The following LTBP1 variants were observed in gnomAD, a reference collection of about 807,000 sequenced individuals.
LTBP1 encodes the protein latent transforming growth factor beta binding protein 1.
A neutral mutation model predicts 207.6 loss-of-function variants in LTBP1; 129 were observed. The observed-to-expected ratio is 0.62, with a 90% CI of 0.54 to 0.72. The LOEUF (loss-of-function observed/expected upper bound fraction) is 0.72. Among genes scored for constraint, LTBP1 ranks in the 30% least tolerant of loss-of-function variants. The probability of loss-of-function intolerance (pLI) is 0.00; values close to 1 mark genes in which losing one functional copy is unlikely to be tolerated. For missense variants in LTBP1, 2,281 were observed against 2,217.2 expected (o/e 1.03, Z -0.58); for synonymous variants, 963 against 833.7 (o/e 1.16, Z -2.67).
At chr2:33,078,947 C>T (rs1467857970) in intron 3 of LTBP1, among the ~76,000 whole-genome samples, 2 of 149,154 alleles carry the variant, frequency 1.3e-5, no homozygotes, top group African/African-American at 2.4e-5. Context: ...CAAGCTCCGC[C>T]TCCCTGCTTC....
intron 3 of LTBP1, among the ~76,000 whole-genome samples, chr2:33,096,535 A>G (rs1280992372): frequency 1.3e-5 from 2 of 152,212 alleles, no homozygotes; most frequent in Non-Finnish European, 2.9e-5. Context: ...CTGCCAACCT[A>G]TTATCCTGAC....
intron 23 of LTBP1, among the ~76,000 whole-genome samples, chr2:33,312,915 G>C (rs889861202): frequency 2.0e-5 from 3 of 152,194 alleles, no homozygotes; most frequent in Admixed American, 1.3e-4. Flanking sequence ...TCCTGAGCTT[G>C]ATCCCCAAGC....
chr2:33,122,626 G>T (rs1294090905), intron 4 of LTBP1, among the ~76,000 whole-genome samples: 1 of 152,190 alleles, frequency 6.6e-6, no homozygotes, highest in Non-Finnish European at 1.5e-5. Context: ...ATACCAAAAA[G>T]AAACAGAAGT....
intron 31 of LTBP1, among the ~76,000 whole-genome samples, chr2:33,368,050 A>G (rs2095016921): frequency 2.0e-5 from 3 of 152,040 alleles, no homozygotes; most frequent in African/African-American, 7.2e-5. Context: ...CCCTGTCTCT[A>G]CTAAAAAATA....
intron 3 of LTBP1, among the ~76,000 whole-genome samples, chr2:33,073,612 A>G (rs1037083978): frequency 6.6e-6 from 1 of 151,616 alleles, no homozygotes; most frequent in African/African-American, 2.4e-5. Context: ...TTGCTCTGAA[A>G]CATCAGTTTT....
intron 24 of LTBP1, among the ~76,000 whole-genome samples, chr2:33,323,115 C>T (rs1380769634): frequency 6.6e-6 from 1 of 152,060 alleles, no homozygotes. Flanking sequence ...CCTAACCTAC[C>T]GAACATTATA....
In LTBP1 at chr2:33,134,944, C is replaced by A. The variant is rs764530183; in HGVS notation, c.1185C>A (p.Ala395=). ...ENGHAADTLT[A]TNFRVVICHL... is the part of the protein sequence containing the mutation. ...GTCATGCTGCCGACACCCTGACGGCCACGAACTTCCGAGTGGGTGAGTTCC... is the reference window on the plus strand; with the variant it reads ...GTCATGCTGCCGACACCCTGACGGCAACGAACTTCCGAGTGGGTGAGTTCC... Residue 395 remains alanine (A), a synonymous_variant, in exon 5 of 34, where the codon GCC becomes GCA. Coordinates refer to ENST00000404816, the MANE Select transcript of LTBP1 (RefSeq NM_206943.4). This position sits in a 1 kb window ranked among gnomAD's most constrained non-coding sequence, Gnocchi z 4.4. The A allele has an allele frequency of 6.2e-7, 1 of 1,611,884 alleles. No individual in the cohort carries two copies. The highest frequency in any genetic ancestry group is 1.7e-5 in the Admixed American group (1 of 59,878).
At chr2:32,973,847 T>C (rs966682797) in intron 2 of LTBP1, among the ~76,000 whole-genome samples, 1 of 152,224 alleles carries the variant, frequency 6.6e-6, no homozygotes, top group Non-Finnish European at 1.5e-5. Context: ...ACATGTGATA[T>C]TTGTCTTTTT....
chr2:33,270,462 T>C (rs933782128), intron 15 of LTBP1, among the ~76,000 whole-genome samples: 3 of 151,132 alleles, frequency 2.0e-5, no homozygotes, highest in Admixed American at 6.6e-5. Context: ...TGGTGGCGGG[T>C]GCCTGTAGTC....
chr2:33,015,746 A>G (rs1688284478), intron 2 of LTBP1, among the ~76,000 whole-genome samples: 1 of 152,188 alleles, frequency 6.6e-6, no homozygotes, highest in Non-Finnish European at 1.5e-5. Flanking sequence ...GCTGTACAGG[A>G]AGCATAGCAG....
At chr2:33,362,810 C>T (rs2094941746) in intron 28 of LTBP1, among the ~76,000 whole-genome samples, 1 of 152,174 alleles carries the variant, frequency 6.6e-6, no homozygotes. Context: ...CATGGATTAT[C>T]TCATTTCATC....
At chr2:33,129,801 T>C (rs779774271) in intron 4 of LTBP1, among the ~76,000 whole-genome samples, 3 of 152,178 alleles carry the variant, frequency 2.0e-5, no homozygotes, top group Non-Finnish European at 4.4e-5. Flanking sequence ...ATTGTTTCTC[T>C]CTGCCTCTTT....
intron 7 of LTBP1, among the ~76,000 whole-genome samples, chr2:33,211,378 G>A (rs959980033): frequency 1.7e-4 from 26 of 152,214 alleles, no homozygotes; most frequent in Admixed American, 1.5e-3. Flanking sequence ...TCCATGTCCT[G>A]ATGCAGGTCA....
At chr2:33,231,939 G>C (rs1279281646) in intron 9 of LTBP1, among the ~76,000 whole-genome samples, 1 of 152,144 alleles carries the variant, frequency 6.6e-6, no homozygotes, top group East Asian at 1.9e-4. Context: ...TTTTATTCAG[G>C]TAACTGTTGT....
At chr2:33,026,633 G>A (rs2075427346) in intron 3 of LTBP1, among the ~76,000 whole-genome samples, 1 of 151,670 alleles carries the variant, frequency 6.6e-6, no homozygotes, top group African/African-American at 2.4e-5. Flanking sequence ...TTATTATGTG[G>A]AAAAAAAAGG....
At chr2:32,983,025 G>C (rs555851184) in intron 2 of LTBP1, among the ~76,000 whole-genome samples, 8 of 152,290 alleles carry the variant, frequency 5.3e-5, no homozygotes, top group African/African-American at 1.9e-4. Flanking sequence ...TCCACCAACA[G>C]CTTGCACCAT....
At chr2:32,949,295 C>T (rs948758337) in intron 2 of LTBP1, among the ~76,000 whole-genome samples, 3 of 152,152 alleles carry the variant, frequency 2.0e-5, no homozygotes, top group Admixed American at 2.0e-4. Context: ...AACATGATAC[C>T]AACAAATGAA....
chr2:33,150,575 C>G (rs1033913894), intron 5 of LTBP1, among the ~76,000 whole-genome samples: 2 of 152,078 alleles, frequency 1.3e-5, no homozygotes, highest in South Asian at 2.1e-4. Context: ...ATTCCTTTCT[C>G]CCCTAGCCTC....
chr2:33,125,988 T>A (rs1178717212), intron 4 of LTBP1, among the ~76,000 whole-genome samples: 1 of 152,158 alleles, frequency 6.6e-6, no homozygotes, highest in Non-Finnish European at 1.5e-5. Context: ...AGAGCTGCAG[T>A]TATCTGAAGG....
Sources: gnomAD v4.1 joint callset for allele counts (sites outside exome capture counted in the v4.1 genomes callset) on GRCh38, gnomAD v4.1.1 for gene constraint, Gnocchi (gnomAD v3.1) non-coding constraint, MANE v1.5 for transcripts, NCBI Gene and HGNC (gene_info 2026-07-23, HGNC 2026-07-21) for gene names.